The following PACSIN1 variants were observed in gnomAD, a reference collection of about 807,000 sequenced individuals.
PACSIN1 encodes the protein protein kinase C and casein kinase substrate in neurons protein 1.
Under a neutral mutation model 59.5 loss-of-function variants are expected in PACSIN1, and 15 were observed. The observed-to-expected ratio is 0.25, with a 90% CI of 0.17 to 0.39. The LOEUF is 0.39. Ranked by LOEUF, PACSIN1 falls within the 10% of genes least tolerant of loss-of-function variation. The pLI, the probability that PACSIN1 is intolerant of heterozygous loss-of-function variation, is 1.00. For synonymous variants in PACSIN1, 210 were observed against 220.6 expected, an observed-to-expected ratio of 0.95 and a Z score of 0.42; for missense variants, 420 against 580.2, an observed-to-expected ratio of 0.72 and a Z score of 2.84.
intron 1 of PACSIN1, among the ~76,000 whole-genome samples, chr6:34,496,311 G>A (rs1042483074): frequency 1.3e-5 from 2 of 152,074 alleles, no homozygotes; most frequent in African/African-American, 4.8e-5. Context: ...GTAATTGCCT[G>A]ATTTCCTCCC....
rs1332794529 is a variant in PACSIN1, at chr6:34,514,380, G to A, written c.-63-11863G>A. Among the ~76,000 whole-genome samples, 1 of 152,154 alleles carries A rather than the reference G, an allele frequency of 6.6e-6. No homozygotes were observed. Among genetic ancestry groups the A allele is most frequent in the Non-Finnish European group, 1.5e-5 (1 of 68,038 alleles). On this transcript the variant is annotated intron_variant, in intron 1 of 9. Transcript: ENST00000244458. This position sits in a 1 kb window ranked among gnomAD's most constrained non-coding sequence, Gnocchi z 4.4. ...AAATGGGTATGAAGCCTTATGGCAC[G>A]AGGTTGTGCATGAGCATCTCTCACA... is the stretch of plus-strand genomic sequence containing the variant.
At chr6:34,476,102 T>A (rs962289542) in intron 1 of PACSIN1, among the ~76,000 whole-genome samples, 8 of 152,178 alleles carry the variant, frequency 5.3e-5, no homozygotes, top group Admixed American at 2.6e-4. Context: ...ACTTTGTCCT[T>A]GTCCCTGGAG....
In PACSIN1 at chr6:34,529,782, C is replaced by T. The variant is rs773523730; in HGVS notation, c.729C>T (p.Val243=). Residue 243 remains valine, a synonymous_variant, in exon 6 of 10, where the codon GTC becomes GTT. Coordinates refer to ENST00000244458, the MANE Select transcript of PACSIN1 (RefSeq NM_020804.5). The surrounding 1 kb of genome is among the most constrained non-coding windows in gnomAD (Gnocchi z 6.3). ...QCQQFEEKRL[V]FLKEVLLDIK... is the part of the protein sequence containing the mutation. ...AGCAATTTGAGGAAAAGCGGCTGGT[C>T]TTCCTCAAGGAGGTGCTGCTGGACA... 9.3e-6 allele frequency: 15 copies of T among 1,614,044 alleles called. No individual in the cohort carries two copies. In the African/African-American group the frequency reaches 1.6e-4, roughly 17 times the overall value.
At chr6:34,520,909 C>T (rs1029582727) in intron 1 of PACSIN1, among the ~76,000 whole-genome samples, 5 of 152,166 alleles carry the variant, frequency 3.3e-5, no homozygotes, top group African/African-American at 1.2e-4. Flanking sequence ...TCATCATCAT[C>T]GTCAACATTG....
chr6:34,510,862 G>A (rs1205069516), intron 1 of PACSIN1, among the ~76,000 whole-genome samples: 1 of 152,176 alleles, frequency 6.6e-6, no homozygotes, highest in Non-Finnish European at 1.5e-5. Context: ...ACAGGCACAT[G>A]CCGCCATGCC....
intron 1 of PACSIN1, among the ~76,000 whole-genome samples, chr6:34,524,605 C>T (rs1195959647): frequency 2.0e-5 from 3 of 152,188 alleles, no homozygotes; most frequent in African/African-American, 7.2e-5. Flanking sequence ...GACAGGCCTG[C>T]ACCATAACTT....
At position 34,531,700 on chromosome 6, in the gene PACSIN1, C is replaced by T; in HGVS notation, c.1138C>T (p.Pro380Ser). ...GGSETNGGANPFEDDSKGVRV... is the reference protein window; with the variant it reads ...GGSETNGGANSFEDDSKGVRV... ...CAGTGAGACCAACGGGGGCGCCAAC[C>T]CCTTTGAGGACGACTCCAAGGGAGT... is the stretch of plus-strand genomic sequence containing the variant. Residue 380 changes from proline to serine, a missense_variant, in exon 9 of 10, where the codon CCC (proline) becomes TCC (serine). By Grantham distance (74) the Pro-to-Ser change is moderately conservative. Coordinates refer to ENST00000244458, the MANE Select transcript of PACSIN1 (RefSeq NM_020804.5). The surrounding 1 kb of genome is among the most constrained non-coding windows in gnomAD (Gnocchi z 4.4). 6.2e-7 allele frequency: 1 copy of T among 1,613,368 alleles called. No individual in the cohort carries two copies. Among genetic ancestry groups the T allele is most frequent in the Non-Finnish European group, 8.5e-7 (1 of 1,179,782 alleles).
intron 1 of PACSIN1, among the ~76,000 whole-genome samples, chr6:34,486,904 C>T (rs949548184): frequency 1.3e-5 from 2 of 151,502 alleles, no homozygotes; most frequent in South Asian, 2.1e-4. Context: ...TGGTGGCTCA[C>T]GCCTATAATC....
Position 34,532,862 on chromosome 6 carries a change from A to C in PACSIN1, c.*332A>C. 9.5e-6 allele frequency: 2 copies of C among 210,358 alleles called. No homozygotes were observed. Among genetic ancestry groups the C allele is most frequent in the Non-Finnish European group, 1.9e-5 (2 of 105,248 alleles). The allele number at this position is 210,358 out of a possible 1,614,324, so 13.0% of individuals were successfully genotyped here. ...TCTCCTGACCCTTCCACCCCGCCTC[A>C]CTCCCTCCGTCCCACTCCACTCCAG... On this transcript the variant is annotated 3_prime_UTR_variant, in exon 10 of 10. Coordinates refer to ENST00000244458, the MANE Select transcript of PACSIN1 (RefSeq NM_020804.5). The surrounding 1 kb of genome is among the most constrained non-coding windows in gnomAD (Gnocchi z 5.2).
Position 34,532,438 on chromosome 6 carries a change from C to A in PACSIN1, c.1243C>A (p.Leu415Met). The change falls in exon 10 of 10, where the codon CTG becomes ATG. Residue 415 changes from leucine to methionine, a missense_variant. Physicochemically the swap from Leu to Met is conservative, Grantham distance 15. Transcript: ENST00000244458. The surrounding 1 kb of genome is among the most constrained non-coding windows in gnomAD (Gnocchi z 5.2). Reference protein sequence around the residue: ...SFKAGDELTKLGEEDEQGWCR... With the variant: ...SFKAGDELTKMGEEDEQGWCR... The stretch of plus-strand genomic sequence containing the variant: ...TTTCCCAGGAGACGAACTCACCAAG[C>A]TGGGCGAGGAGGATGAGCAGGGCTG... 1 of 1,571,366 alleles carries A rather than the reference C, an allele frequency of 6.4e-7. No homozygotes were observed. The highest frequency in any genetic ancestry group is 8.6e-7 in the Non-Finnish European group (1 of 1,157,758).
At chr6:34,476,363 A>AAGC (rs1282967685) in intron 1 of PACSIN1, among the ~76,000 whole-genome samples, 1 of 152,132 alleles carries the variant, frequency 6.6e-6, no homozygotes, top group African/African-American at 2.4e-5. Context: ...TGGGATTCGA[A>AAGC]AGCATGGGGC....
At chr6:34,496,878 G>C (rs1581967932) in intron 1 of PACSIN1, among the ~76,000 whole-genome samples, 1 of 149,926 alleles carries the variant, frequency 6.7e-6, no homozygotes, top group South Asian at 2.1e-4. Flanking sequence ...TTACCTCTCT[G>C]AGCTCCAGTT....
chr6:34,469,712 A>G (rs1197895093), intron 1 of PACSIN1, among the ~76,000 whole-genome samples: 1 of 152,196 alleles, frequency 6.6e-6, no homozygotes. Flanking sequence ...CAGTCCCTGA[A>G]GCATCTGCCC....
chr6:34,491,472 C>A (rs1766875584), intron 1 of PACSIN1, among the ~76,000 whole-genome samples: 1 of 152,116 alleles, frequency 6.6e-6, no homozygotes, highest in African/African-American at 2.4e-5. Flanking sequence ...TAGAATCAGT[C>A]CTGACACCAA....
chr6:34,527,181 C>T, intron 2 of PACSIN1, 151 bp from the exon 3 acceptor site: 2 of 672,542 alleles, frequency 3.0e-6, no homozygotes, highest in African/African-American at 6.8e-5. Flanking sequence ...CGCTGCGCCG[C>T]GGGGCGGGGG....
Position 34,515,569 on chromosome 6 carries a change from G to C in PACSIN1, c.-63-10674G>C, listed in dbSNP as rs2127266449. ...CTGGCCCTGGATGGTCTCAGGCACT[G>C]GGCTTAGAGCCCCCTGGTCAGGTCA... On this transcript the variant is annotated intron_variant, in intron 1 of 9. Coordinates refer to ENST00000244458, the MANE Select transcript of PACSIN1 (RefSeq NM_020804.5). This position sits in a 1 kb window ranked among gnomAD's most constrained non-coding sequence, Gnocchi z 4.4. Among the ~76,000 whole-genome samples, 1 of 152,286 alleles carries C rather than the reference G, an allele frequency of 6.6e-6. No homozygotes were observed. The highest frequency in any genetic ancestry group is 1.5e-5 in the Non-Finnish European group (1 of 68,010).
chr6:34,512,032 A>G (rs1025013397), intron 1 of PACSIN1, among the ~76,000 whole-genome samples: 3 of 151,072 alleles, frequency 2.0e-5, no homozygotes, highest in African/African-American at 7.3e-5. Context: ...TTGGGCATGG[A>G]GTGTGTGTGT....
chr6:34,478,062 T>G (rs780640873), intron 1 of PACSIN1, among the ~76,000 whole-genome samples: 1 of 107,214 alleles, frequency 9.3e-6, no homozygotes, highest in Non-Finnish European at 2.0e-5. Context: ...CCCTTTATCC[T>G]TTTTTTTTTT....
At chr6:34,471,201 G>A (rs912253764) in intron 1 of PACSIN1, among the ~76,000 whole-genome samples, 4 of 152,152 alleles carry the variant, frequency 2.6e-5, no homozygotes, top group Non-Finnish European at 4.4e-5. Context: ...GCCCGCCTCA[G>A]CCTCCCAAAG....
Sources: allele counts gnomAD v4.1 joint callset (sites outside exome capture counted in the v4.1 genomes callset), GRCh38; gene constraint gnomAD v4.1.1; non-coding constraint Gnocchi (gnomAD v3.1); transcripts MANE v1.5; gene names NCBI Gene and HGNC (gene_info 2026-07-23, HGNC 2026-07-21).